NOL4L: variants seen among roughly 807,000 people sequenced by gnomAD.
NOL4L encodes the protein nucleolar protein 4 like.
In NOL4L, 7 loss-of-function variants were observed where a neutral mutation model predicts 64.5. The ratio of observed to expected loss-of-function variants is 0.11; its 90% CI spans 0.06 to 0.20. NOL4L has a LOEUF of 0.20. NOL4L is among the 10% of genes least tolerant of loss of function. NOL4L has a pLI of 1.00. For missense variants in NOL4L, 680 were observed against 967.1 expected (o/e 0.70, Z 3.94); for synonymous variants, 413 against 401.0 (o/e 1.03, Z -0.36).
At chr20:32,474,563 G>T (rs1304914500) in intron 5 of NOL4L, 38 bp downstream of exon 5, 2 of 1,588,134 alleles carry the variant, frequency 1.3e-6, no homozygotes, top group African/African-American at 1.3e-5. Context: ...AGGGGGCCGG[G>T]CACAGCCCCT....
chr20:32,577,968 C>G (rs1208024070), intron 1 of NOL4L, among the ~76,000 whole-genome samples: 1 of 151,966 alleles, frequency 6.6e-6, no homozygotes, highest in African/African-American at 2.4e-5. Flanking sequence ...TTTGGGGGCC[C>G]TACGTGCATG....
chr20:32,502,763 T>G (rs1192814487), intron 4 of NOL4L, among the ~76,000 whole-genome samples: 2 of 150,766 alleles, frequency 1.3e-5, no homozygotes, highest in African/African-American at 2.4e-5. Flanking sequence ...ATACAAAAAT[T>G]AGCCGGGAGT....
In NOL4L at chr20:32,535,663, G is replaced by T. The variant is rs796469515; in HGVS notation, c.322-7750C>A. The T allele has an allele frequency of 5.0e-5, 49 of 985,478 alleles. No individual in the cohort carries two copies. The African/African-American group carries it at 8.2e-4, about 16-fold the overall frequency. 61.0% of individuals were successfully genotyped at this position (985,478 alleles called of 1,614,324 possible). ...TGGGACCAGCCCCTCAAACAACGGC[G>T]CTACATTTGAGGATGTCATCTCCTC... On this transcript the variant is annotated intron_variant, in intron 1 of 10. Coordinates refer to ENST00000621426, the MANE Select transcript of NOL4L (RefSeq NM_001256798.2).
intron 1 of NOL4L, among the ~76,000 whole-genome samples, chr20:32,537,736 CGAA>C (rs2018572900): frequency 6.6e-6 from 1 of 151,834 alleles, no homozygotes; most frequent in Admixed American, 6.6e-5. Context: ...CCTGAGAAAT[CGAA>C]GAAGTTTCTA....
At chr20:32,553,587 A>G (rs757836236) in intron 1 of NOL4L, among the ~76,000 whole-genome samples, 24 of 152,042 alleles carry the variant, frequency 1.6e-4, no homozygotes, top group Admixed American at 5.9e-4. Flanking sequence ...TATATTTAAC[A>G]TTTACATTTA....
intron 5 of NOL4L, among the ~76,000 whole-genome samples, chr20:32,461,416 CTTTTCTTTTTTT>C (rs1455120219): frequency 1.6e-5 from 1 of 61,162 alleles, no homozygotes; most frequent in Non-Finnish European, 3.4e-5. Flanking sequence ...CTCTACCTTT[CTTTTCTTTTTTT>C]TTTTTTTTTT....
chr20:32,467,758 C>T lies in NOL4L; in HGVS notation c.841+6843G>A, dbSNP rs1014410766. Among the ~76,000 whole-genome samples the T allele has an allele frequency of 7.9e-5, 12 of 152,294 alleles. No homozygotes were observed. The Middle Eastern group carries it at 0.014, about 173-fold the overall frequency. On this transcript the variant is annotated intron_variant, in intron 5 of 10. Coordinates refer to ENST00000621426, the MANE Select transcript of NOL4L (RefSeq NM_001256798.2). ...CCCAGCCCAGCAAGGGGTTGGCACC[C>T]GCCCAAGGCTGCCTGGCAAGGAGGG...
chr20:32,532,398 G>A (rs1042509456), intron 1 of NOL4L: 17 of 985,100 alleles, frequency 1.7e-5, no homozygotes, highest in East Asian at 1.1e-4. Flanking sequence ...GGATGTCTAC[G>A]TGGCCTTCAA....
chr20:32,466,465 C>A (rs1482226320), intron 5 of NOL4L, among the ~76,000 whole-genome samples: 1 of 152,216 alleles, frequency 6.6e-6, no homozygotes, highest in Non-Finnish European at 1.5e-5. Flanking sequence ...GTGCCGCCTG[C>A]GGCCCAGCTG....
At position 32,584,550 on chromosome 20, in the gene NOL4L, GC is replaced by G; in HGVS notation, c.321+19del. 7.6e-7 allele frequency: 1 copy of G among 1,313,486 alleles called. No individual in the cohort carries two copies. Among genetic ancestry groups the G allele is most frequent in the Non-Finnish European group, 9.7e-7 (1 of 1,026,576 alleles). 81.4% of individuals were successfully genotyped at this position (1,313,486 alleles called of 1,614,324 possible). A position where few individuals can be genotyped will look rare whatever the true frequency, so the allele number is the denominator to read the frequency against. ...AGCCCCGCGGCGGGACCCGCCCGCG[GC>G]CGCCGCGCGCGCACTCACCGAGCCC... On this transcript the variant is annotated intron_variant, in intron 1 of 10. Coordinates refer to ENST00000621426, the MANE Select transcript of NOL4L (RefSeq NM_001256798.2).
chr20:32,542,356 T>A (rs995695334), intron 1 of NOL4L, among the ~76,000 whole-genome samples: 12 of 152,250 alleles, frequency 7.9e-5, no homozygotes, highest in Admixed American at 3.9e-4. Flanking sequence ...CACTTCTTTT[T>A]AAAAAAATTT....
intron 5 of NOL4L, among the ~76,000 whole-genome samples, chr20:32,462,070 C>T (rs771198804): frequency 2.0e-5 from 3 of 152,056 alleles, no homozygotes; most frequent in Admixed American, 6.5e-5. Flanking sequence ...GGACATCACG[C>T]GGGGACTCCT....
rs141732781 is a variant in NOL4L, at chr20:32,568,872, TG to T, written c.321+15697del. Among the ~76,000 whole-genome samples the T allele has an allele frequency of 1.9e-3, 287 of 152,312 alleles. 8 individuals are homozygous for T. The East Asian group carries it at 0.053, about 28-fold the overall frequency. On this transcript the variant is annotated intron_variant, in intron 1 of 10. Transcript: ENST00000621426. The stretch of plus-strand genomic sequence containing the variant: ...CCTTGATGGGACTGCAGGCTGCTTG[TG>T]TGGGGGACCCTGGCCATCTCACCAG...
chr20:32,447,906 G>A, intron 10 of NOL4L, 90 bp from the exon 11 acceptor site: 2 of 1,453,618 alleles, frequency 1.4e-6, no homozygotes, highest in South Asian at 3.0e-5. Flanking sequence ...ATAACCTATG[G>A]CCTAGTGCCC....
intron 4 of NOL4L, among the ~76,000 whole-genome samples, chr20:32,494,769 T>C (rs1251367082): frequency 1.3e-5 from 2 of 152,210 alleles, no homozygotes; most frequent in Non-Finnish European, 1.5e-5. Flanking sequence ...AGCAGGCAAC[T>C]TGCAACCATG....
At chr20:32,582,352 G>A (rs2145628968) in intron 1 of NOL4L, among the ~76,000 whole-genome samples, 1 of 152,254 alleles carries the variant, frequency 6.6e-6, no homozygotes, top group Admixed American at 6.5e-5. Context: ...CGCTGCCAGG[G>A]GCAGGCAGAG....
chr20:32,578,524 T>C (rs140923035), intron 1 of NOL4L, among the ~76,000 whole-genome samples: 48 of 152,338 alleles, frequency 3.2e-4, no homozygotes, highest in Non-Finnish European at 1.6e-4. Flanking sequence ...TAGCTGGGAC[T>C]ACGGGTGCGT....
At chr20:32,541,263 G>T (rs1381153221) in intron 1 of NOL4L, among the ~76,000 whole-genome samples, 1 of 152,186 alleles carries the variant, frequency 6.6e-6, no homozygotes, top group Non-Finnish European at 1.5e-5. Context: ...CAAAACTAAA[G>T]GAATAAGCAA....
At chr20:32,483,888 T>A (rs1354477381) in intron 4 of NOL4L, among the ~76,000 whole-genome samples, 1 of 114,222 alleles carries the variant, frequency 8.8e-6, no homozygotes, top group Admixed American at 9.6e-5. Context: ...AAGGGCGCGC[T>A]GGACGCGCCG....
Sources: allele counts gnomAD v4.1 joint callset (sites outside exome capture counted in the v4.1 genomes callset), GRCh38; gene constraint gnomAD v4.1.1; transcripts MANE v1.5; gene names NCBI Gene and HGNC (gene_info 2026-07-23, HGNC 2026-07-21).